LPP: variants seen among roughly 807,000 people sequenced by gnomAD.
The protein encoded by LPP is lipoma-preferred partner.
A neutral mutation model predicts 60.4 loss-of-function variants in LPP; 38 were observed. That is an observed-to-expected ratio of 0.63 (90% CI 0.49 to 0.83). The LOEUF (loss-of-function observed/expected upper bound fraction) is 0.83, where lower values mean the gene tolerates loss of function less well. Among genes scored for constraint, LPP ranks in the 40% least tolerant of loss-of-function variants. The pLI, the probability that LPP is intolerant of heterozygous loss-of-function variation, is 0.00. For synonymous variants in LPP, 328 were observed against 290.8 expected (o/e 1.13, Z -1.30); for missense variants, 902 against 783.6 (o/e 1.15, Z -1.80).
chr3:188,723,974 T>C (rs1271778238), intron 8 of LPP, among the ~76,000 whole-genome samples: 1 of 152,218 alleles, frequency 6.6e-6, no homozygotes, highest in East Asian at 1.9e-4. Flanking sequence ...CTGGATGATT[T>C]TTTTAAATAT....
At chr3:188,733,728 G>A (rs1158997497) in intron 8 of LPP, among the ~76,000 whole-genome samples, 1 of 152,090 alleles carries the variant, frequency 6.6e-6, no homozygotes, top group African/African-American at 2.4e-5. Flanking sequence ...TATTAACAAC[G>A]TTTTCAGGTT....
intron 9 of LPP, among the ~76,000 whole-genome samples, chr3:188,779,383 A>G (rs1281920293): frequency 6.6e-6 from 1 of 152,166 alleles, no homozygotes; most frequent in Non-Finnish European, 1.5e-5. Flanking sequence ...CGAGGCTGAC[A>G]CACAGATCTG....
At position 188,284,113 on chromosome 3, in the gene LPP, C is replaced by T. The variant is rs769511013; in HGVS notation, c.-66-57550C>T. On this transcript the variant is annotated intron_variant, in intron 2 of 11. Coordinates refer to ENST00000617246, the MANE Select transcript of LPP (RefSeq NM_001375462.1). ...ATCCTTCTAAAATCAGCATCTCGGC[C>T]GGACGCAGTGGCTCACGCCTGTAAT... Among the ~76,000 whole-genome samples, 8 of 151,992 alleles carry T rather than the reference C, an allele frequency of 5.3e-5. No homozygotes were observed. In the East Asian group the frequency reaches 7.8e-4, roughly 15 times the overall value.
At chr3:188,685,645 C>T (rs1450480286) in intron 7 of LPP, among the ~76,000 whole-genome samples, 1 of 152,136 alleles carries the variant, frequency 6.6e-6, no homozygotes, top group Non-Finnish European at 1.5e-5. Context: ...GCTAAACTTG[C>T]AGTCCTGAGG....
At chr3:188,709,671 C>G (rs2149712738) in intron 8 of LPP, 1 of 152,338 alleles carries the variant, frequency 6.6e-6, no homozygotes, top group East Asian at 1.9e-4. Context: ...GTTTTAAAAG[C>G]TCCATTTATT....
chr3:188,788,916 T>G (rs911539375), intron 9 of LPP, among the ~76,000 whole-genome samples: 1 of 152,214 alleles, frequency 6.6e-6, no homozygotes, highest in Admixed American at 6.5e-5. Flanking sequence ...GTCTAACTTA[T>G]GCTGACTGTC....
chr3:188,597,844 T>C (rs746888791), intron 6 of LPP, among the ~76,000 whole-genome samples: 8 of 152,132 alleles, frequency 5.3e-5, no homozygotes, highest in Non-Finnish European at 5.9e-5. Flanking sequence ...TAAAAACATA[T>C]GGAAAAATCT....
intron 8 of LPP, among the ~76,000 whole-genome samples, chr3:188,723,961 G>C (rs1717426106): frequency 6.6e-6 from 1 of 152,064 alleles, no homozygotes; most frequent in Admixed American, 6.6e-5. Context: ...AGAGGAGATA[G>C]AGCTGGATGA....
chr3:188,802,916 G>A (rs1747746210), intron 9 of LPP, among the ~76,000 whole-genome samples: 4 of 151,964 alleles, frequency 2.6e-5, no homozygotes, highest in Non-Finnish European at 2.9e-5. Flanking sequence ...AGGAACATTA[G>A]CAGTTAATTA....
intron 5 of LPP, among the ~76,000 whole-genome samples, chr3:188,522,723 A>C (rs2150156946): frequency 6.6e-6 from 1 of 150,532 alleles, no homozygotes; most frequent in Admixed American, 6.7e-5. Flanking sequence ...GAGGGGTCAT[A>C]ATAATACATC....
chr3:188,380,413 C>T (rs1446240061), intron 3 of LPP, among the ~76,000 whole-genome samples: 3 of 152,260 alleles, frequency 2.0e-5, no homozygotes, highest in Non-Finnish European at 4.4e-5. Flanking sequence ...CTGCAGGACT[C>T]TGACCTGTCA....
intron 4 of LPP, among the ~76,000 whole-genome samples, chr3:188,467,260 C>T (rs770366363): frequency 8.6e-5 from 13 of 151,994 alleles, no homozygotes; most frequent in Middle Eastern, 3.4e-3. Context: ...TAGAACAATG[C>T]ATTAAAAAAT....
intron 8 of LPP, among the ~76,000 whole-genome samples, chr3:188,748,116 G>A (rs368017341): frequency 4.6e-5 from 7 of 152,224 alleles, no homozygotes; most frequent in African/African-American, 1.4e-4. Flanking sequence ...CTGCTCCATC[G>A]TACTGGTGAT....
intron 9 of LPP, among the ~76,000 whole-genome samples, chr3:188,855,546 G>A (rs1383779219): frequency 2.0e-5 from 3 of 152,168 alleles, no homozygotes; most frequent in South Asian, 2.1e-4. Flanking sequence ...AAATTTGGGG[G>A]ATGTCTATGG....
intron 2 of LPP, among the ~76,000 whole-genome samples, chr3:188,277,234 G>C (rs375281343): frequency 1.3e-5 from 2 of 152,086 alleles, no homozygotes; most frequent in Admixed American, 1.3e-4. Context: ...ACCCAATCTC[G>C]GGTATTTCTT....
chr3:188,433,945 A>T (rs781561755), intron 4 of LPP, among the ~76,000 whole-genome samples: 2 of 152,192 alleles, frequency 1.3e-5, no homozygotes, highest in Admixed American at 6.5e-5. Context: ...CAGGAACTTG[A>T]TAGTCCACAT....
chr3:188,790,522 G>T (rs1743344022), intron 9 of LPP, among the ~76,000 whole-genome samples: 1 of 152,120 alleles, frequency 6.6e-6, no homozygotes, highest in Non-Finnish European at 1.5e-5. Context: ...ATGTGTGTGT[G>T]TTGTGTATTT....
Position 188,411,892 on chromosome 3 carries a change from G to A in LPP, c.193+5579G>A, listed in dbSNP as rs150166933. On this transcript the variant is annotated intron_variant, in intron 4 of 11. Transcript: ENST00000617246. The stretch of plus-strand genomic sequence containing the variant: ...AATTATCTTACTAATACACTCTGGG[G>A]ATTAGTGTTAGGTTGCCTTTAATGG... Among the ~76,000 whole-genome samples the A allele has an allele frequency of 5.3e-5, 8 of 152,136 alleles. No individual in the cohort carries two copies. In the East Asian group the frequency reaches 1.2e-3, roughly 22 times the overall value.
At chr3:188,717,413 T>C (rs781521369) in intron 8 of LPP, among the ~76,000 whole-genome samples, 3 of 152,250 alleles carry the variant, frequency 2.0e-5, no homozygotes, top group Non-Finnish European at 4.4e-5. Flanking sequence ...AAAGTGCTTC[T>C]ATCAATTACA....
Sources: gnomAD v4.1 joint callset for allele counts (sites outside exome capture counted in the v4.1 genomes callset) on GRCh38, gnomAD v4.1.1 for gene constraint, MANE v1.5 for transcripts, NCBI Gene and HGNC (gene_info 2026-07-23, HGNC 2026-07-21) for gene names.